The following HECW1 variants were observed in gnomAD, a reference collection of about 807,000 sequenced individuals.
The protein encoded by HECW1 is E3 ubiquitin-protein ligase HECW1.
A neutral mutation model predicts 182.3 loss-of-function variants in HECW1; 61 were observed. That is an observed-to-expected ratio of 0.33 (90% confidence interval 0.27 to 0.41). The LOEUF (loss-of-function observed/expected upper bound fraction) is 0.41, where lower values mean the gene tolerates loss of function less well. Among genes scored for constraint, HECW1 ranks in the 10% least tolerant of loss-of-function variants. HECW1 has a pLI of 1.00. For missense variants in HECW1, 1,739 were observed against 2,108.9 expected, an observed-to-expected ratio of 0.82 and a Z score of 3.44; for synonymous variants, 859 against 832.6, an observed-to-expected ratio of 1.03 and a Z score of -0.55.
intron 2 of HECW1, among the ~76,000 whole-genome samples, chr7:43,161,952 C>T (rs1790579905): frequency 2.0e-5 from 3 of 152,196 alleles, no homozygotes; most frequent in African/African-American, 4.8e-5. Flanking sequence ...CGCCTTTCAC[C>T]GCCCACTATT....
chr7:43,481,715 T>C (rs1272026593), intron 17 of HECW1, among the ~76,000 whole-genome samples: 2 of 152,150 alleles, frequency 1.3e-5, no homozygotes, highest in African/African-American at 4.8e-5. Flanking sequence ...CCAGGTGTGA[T>C]GGCTCACACC....
At chr7:43,301,259 C>A (rs140778841) in intron 3 of HECW1, among the ~76,000 whole-genome samples, 1 of 152,332 alleles carries the variant, frequency 6.6e-6, no homozygotes, top group East Asian at 1.9e-4. Flanking sequence ...AGTAAAGATA[C>A]GCTTTTCCAC....
intron 2 of HECW1, among the ~76,000 whole-genome samples, chr7:43,146,836 C>G (rs561968794): frequency 1.3e-5 from 2 of 152,096 alleles, no homozygotes; most frequent in African/African-American, 4.8e-5. Flanking sequence ...AGCTCATGGC[C>G]CATTAGTGTA....
rs2082227596 is a variant in HECW1, at chr7:43,562,248, G to T, written c.*322G>T. 3.7e-6 allele frequency: 1 copy of T among 267,460 alleles called. No individual in the cohort carries two copies. The highest frequency in any genetic ancestry group is 5.3e-5 in the Admixed American group (1 of 18,900). 16.6% of individuals were successfully genotyped at this position (267,460 alleles called of 1,614,324 possible). ...TATGAATGCAAGTTAAGCTACACTT[G>T]ACCAAATGGTAATAAATGTTTACTT... On this transcript the variant is annotated 3_prime_UTR_variant, in exon 30 of 30. Coordinates refer to ENST00000395891, the MANE Select transcript of HECW1 (RefSeq NM_015052.5).
chr7:43,251,197 A>G (rs1799989035), intron 3 of HECW1, among the ~76,000 whole-genome samples: 1 of 152,232 alleles, frequency 6.6e-6, no homozygotes, highest in South Asian at 2.1e-4. Flanking sequence ...GCCAAGTCAC[A>G]GAAGCTGTCT....
At position 43,200,228 on chromosome 7, in the gene HECW1, A is replaced by G. The variant is rs190515643; in HGVS notation, c.-31-43647A>G. Among the ~76,000 whole-genome samples, 15 of 152,350 alleles carry G rather than the reference A, an allele frequency of 9.8e-5. No homozygotes were observed. The East Asian group carries it at 2.9e-3, about 29-fold the overall frequency. On this transcript the variant is annotated intron_variant, in intron 2 of 29. Transcript: ENST00000395891. The stretch of plus-strand genomic sequence containing the variant: ...AAGGCTTTCCTGAATGGCATTAGTT[A>G]TACTTATTTTATTAGAGGTACCTTC...
intron 24 of HECW1, chr7:43,512,080 C>G: frequency 4.5e-6 from 1 of 220,866 alleles, no homozygotes; most frequent in Non-Finnish European, 9.1e-6. Flanking sequence ...GTGTCAGGTG[C>G]TCCTTCCACC....
chr7:43,304,033 T>G lies in HECW1; in HGVS notation c.28-7730T>G, dbSNP rs563186324. The stretch of plus-strand genomic sequence containing the variant: ...AGAGGTGGAGCCCTTCTTTTTAGCC[T>G]AACGAATTGTTTCCCTTAACAGTCG... On this transcript the variant is annotated intron_variant, in intron 3 of 29. Coordinates refer to ENST00000395891, the MANE Select transcript of HECW1 (RefSeq NM_015052.5). 3.9e-5 allele frequency among the ~76,000 whole-genome samples: 6 copies of G among 152,302 alleles called. No individual in the cohort carries two copies. In the South Asian group the frequency reaches 1.0e-3, roughly 26 times the overall value.
intron 5 of HECW1, among the ~76,000 whole-genome samples, chr7:43,354,251 A>G (rs569300180): frequency 1.3e-5 from 2 of 152,230 alleles, no homozygotes; most frequent in African/African-American, 4.8e-5. Flanking sequence ...ATGCAAAGAC[A>G]TAGCTGTATA....
chr7:43,173,068 T>C (rs1791850431), intron 2 of HECW1, among the ~76,000 whole-genome samples: 1 of 152,172 alleles, frequency 6.6e-6, no homozygotes, highest in African/African-American at 2.4e-5. Context: ...AAGCTAAAGT[T>C]CCTCTGATTC....
At chr7:43,454,106 C>T (rs1464677893) in intron 12 of HECW1, among the ~76,000 whole-genome samples, 1 of 152,162 alleles carries the variant, frequency 6.6e-6, no homozygotes, top group African/African-American at 2.4e-5. Context: ...ATCATTATTG[C>T]AGCTTCATTT....
intron 17 of HECW1, among the ~76,000 whole-genome samples, chr7:43,483,573 GA>G (rs1186012782): frequency 3.7e-5 from 4 of 107,288 alleles, no homozygotes; most frequent in African/African-American, 1.2e-4. Context: ...TTTTGAGCTA[GA>G]GTCTCGCTCT....
rs538912476 is a variant in HECW1, at chr7:43,456,415, G to T, written c.2619G>T (p.Gly873=). The change falls in exon 13 of 30, where the codon GGG becomes GGT. Residue 873 remains glycine, a synonymous_variant. Transcript: ENST00000395891. ...AATPDGMRRS[G]SIQQMEQLNR... The stretch of plus-strand genomic sequence containing the variant: ...CCCCGGATGGCATGCGGAGATCGGG[G>T]TCCATCCAGCAGATGGAGCAACTCA... 3.1e-6 allele frequency: 5 copies of T among 1,613,914 alleles called. No homozygotes were observed. Among genetic ancestry groups the T allele is most frequent in the Non-Finnish European group, 4.2e-6 (5 of 1,179,966 alleles).
intron 3 of HECW1, among the ~76,000 whole-genome samples, chr7:43,247,951 G>A (rs1159061294): frequency 7.4e-6 from 1 of 135,240 alleles, no homozygotes; most frequent in Non-Finnish European, 1.5e-5. Flanking sequence ...GAAAAAAGGA[G>A]GGAAGGAAAG....
At chr7:43,367,538 G>T (rs1816802110) in intron 6 of HECW1, among the ~76,000 whole-genome samples, 1 of 152,204 alleles carries the variant, frequency 6.6e-6, no homozygotes. Context: ...AAAGCATTTT[G>T]ATTTGTAGGA....
Position 43,360,976 on chromosome 7 carries a change from C to T in HECW1, c.551C>T (p.Ala184Val). The T allele has an allele frequency of 6.2e-7, 1 of 1,607,140 alleles. No homozygotes were observed. Among genetic ancestry groups the T allele is most frequent in the Non-Finnish European group, 8.5e-7 (1 of 1,175,998 alleles). Residue 184 changes from alanine to valine, a missense_variant, in exon 6 of 30, where the codon GCT becomes GTT. Ala to Val is a moderately conservative substitution (Grantham distance 64, BLOSUM62 0). Coordinates refer to ENST00000395891, the MANE Select transcript of HECW1 (RefSeq NM_015052.5). ...AGTGTCACGGTCAAAAACTCGGCAG[C>T]TCCTGTAAGTCTCATTTCTCCGTCT... ...TPSVTVKNSA[A>V]PIFKSIGADE...
chr7:43,217,649 A>G (rs985268079), intron 2 of HECW1, among the ~76,000 whole-genome samples: 1 of 152,208 alleles, frequency 6.6e-6, no homozygotes, highest in African/African-American at 2.4e-5. Flanking sequence ...AAGATTATAC[A>G]ACAGACAGCT....
At chr7:43,504,484 C>A (rs2079497497) in intron 21 of HECW1, among the ~76,000 whole-genome samples, 1 of 152,194 alleles carries the variant, frequency 6.6e-6, no homozygotes, top group Non-Finnish European at 1.5e-5. Context: ...AGCACCCTTG[C>A]CAATGCCCTG....
intron 21 of HECW1, among the ~76,000 whole-genome samples, chr7:43,501,863 G>C (rs1442533144): frequency 1.3e-5 from 2 of 151,730 alleles, no homozygotes; most frequent in African/African-American, 4.8e-5. Context: ...AGAAAGAAAA[G>C]AAAAAAATTA....
Sources: allele counts gnomAD v4.1 joint callset (sites outside exome capture counted in the v4.1 genomes callset), GRCh38; gene constraint gnomAD v4.1.1; transcripts MANE v1.5; gene names NCBI Gene and HGNC (gene_info 2026-07-23, HGNC 2026-07-21).